The following DOCK8 variants were observed in gnomAD, a reference collection of about 807,000 sequenced individuals.
The protein encoded by DOCK8 is dedicator of cytokinesis protein 8.
DOCK8 carries 141 observed loss-of-function variants against 245.6 expected under a neutral mutation model. The observed-to-expected ratio is 0.57, with a 90% CI of 0.50 to 0.66. The LOEUF is 0.66. Among genes scored for constraint, DOCK8 ranks in the 30% least tolerant of loss-of-function variants. The pLI is 0.00. For missense variants in DOCK8, 2,965 were observed against 2,603.4 expected, an observed-to-expected ratio of 1.14 and a Z score of -3.02; for synonymous variants, 1,168 against 970.2, an observed-to-expected ratio of 1.20 and a Z score of -3.79.
chr9:397,067 G>T, intron 25 of DOCK8, 133 bp downstream of exon 25: 7 of 1,086,248 alleles, frequency 6.4e-6, no homozygotes, highest in Non-Finnish European at 8.1e-6. Context: ...AACGCAGTAT[G>T]TTATACTGGA....
At chr9:293,037 T>G (rs1336469149) in intron 4 of DOCK8, among the ~76,000 whole-genome samples, 2 of 152,216 alleles carry the variant, frequency 1.3e-5, no homozygotes, top group Non-Finnish European at 2.9e-5. Flanking sequence ...AATTTTATGT[T>G]TGGCAACATT....
chr9:298,618 A>AGTGTGTGTGTGTGT (rs34998339), intron 4 of DOCK8, among the ~76,000 whole-genome samples: 16 of 145,306 alleles, frequency 1.1e-4, no homozygotes, highest in African/African-American at 3.6e-4. Context: ...CACATCTGTA[A>AGTGTGTGTGTGTGT]GTGTGTGTGT....
rs1467021314 is a variant in DOCK8 at position 317,225 on chromosome 9, G to C, written c.827+97G>C. The C allele has an allele frequency of 7.8e-6, 8 of 1,024,708 alleles. No individual in the cohort carries two copies. In the South Asian group the frequency reaches 9.5e-5, roughly 12 times the overall value. 63.5% of individuals were successfully genotyped at this position (1,024,708 alleles called of 1,614,324 possible). On this transcript the variant is annotated intron_variant, in intron 7 of 47. Coordinates refer to ENST00000432829, the MANE Select transcript of DOCK8 (RefSeq NM_203447.4). ...TTATCAGAGCTTGAATCAAAGCGGAGCTCCCAAAATACGTCTAACAGTGGG... is the reference window on the plus strand; with the variant it reads ...TTATCAGAGCTTGAATCAAAGCGGACCTCCCAAAATACGTCTAACAGTGGG...
chr9:290,433 CA>C (rs1346462726), intron 4 of DOCK8, among the ~76,000 whole-genome samples: 1 of 152,078 alleles, frequency 6.6e-6, no homozygotes, highest in Non-Finnish European at 1.5e-5. Context: ...GATGAATTCC[CA>C]GGGGGAAAAA....
At chr9:309,287 T>C (rs1470228429) in intron 5 of DOCK8, among the ~76,000 whole-genome samples, 1 of 152,204 alleles carries the variant, frequency 6.6e-6, no homozygotes, top group Non-Finnish European at 1.5e-5. Flanking sequence ...GTATTAATAA[T>C]CGAAGTGTTA....
At chr9:271,051 C>T (rs986269561) in intron 1 of DOCK8, among the ~76,000 whole-genome samples, 2 of 152,174 alleles carry the variant, frequency 1.3e-5, no homozygotes, top group Non-Finnish European at 2.9e-5. Context: ...TGAGCATTGT[C>T]CACATGGGTG....
chr9:345,424 T>C (rs963986311), intron 14 of DOCK8, among the ~76,000 whole-genome samples: 1 of 152,220 alleles, frequency 6.6e-6, no homozygotes, highest in African/African-American at 2.4e-5. Flanking sequence ...TAATGTGCCC[T>C]TAACATAAAC....
At chr9:220,408 G>A (rs1031508663) in intron 1 of DOCK8, among the ~76,000 whole-genome samples, 2 of 152,120 alleles carry the variant, frequency 1.3e-5, no homozygotes, top group African/African-American at 4.8e-5. Flanking sequence ...GAAAGAAAAC[G>A]TAGTAACATG....
chr9:328,086 C>T lies in DOCK8; in HGVS notation c.959C>T (p.Thr320Met), dbSNP rs766320232. ...TTCAAAGGATTTCTGCGAGCTCACA[C>T]GCCTTCAGTGGCCGCATCAAGTCAG... Reference protein sequence around the residue: ...DQFKGFLRAHTPSVAASSQAR... With the variant: ...DQFKGFLRAHMPSVAASSQAR... The change falls in exon 9 of 48, where the codon ACG becomes ATG. Residue 320 changes from threonine to methionine, a missense_variant. By Grantham distance (81) the Thr-to-Met change is moderately conservative. Transcript: ENST00000432829. 4.3e-6 allele frequency: 7 copies of T among 1,614,212 alleles called. No homozygotes were observed. The highest frequency in any genetic ancestry group is 3.3e-5 in the South Asian group (3 of 91,084).
At chr9:214,702 T>C (rs1426824783), upstream of DOCK8, 25 of 1,562,196 alleles carry the variant, frequency 1.6e-5, no homozygotes, top group Non-Finnish European at 2.1e-5. Flanking sequence ...TCTGCCCCAG[T>C]ATCGGGAGGC....
chr9:341,078 CAG>C (rs1293177210), intron 14 of DOCK8, among the ~76,000 whole-genome samples: 4 of 152,206 alleles, frequency 2.6e-5, no homozygotes, highest in Admixed American at 6.5e-5. Flanking sequence ...ACAGCAATAA[CAG>C]AAAGTTCTGT....
At chr9:368,578 C>G (rs982268239) in intron 15 of DOCK8, 11 of 310,260 alleles carry the variant, frequency 3.5e-5, no homozygotes, top group Non-Finnish European at 5.4e-5. Flanking sequence ...CAAAGTACCG[C>G]CTAGTAATTA....
rs1045722830 is a variant in DOCK8, at chr9:464,455, C to T, written c.*236C>T. 3.0e-5 allele frequency: 18 copies of T among 591,306 alleles called. No individual in the cohort carries two copies. The highest frequency in any genetic ancestry group is 7.5e-5 in the African/African-American group (4 of 53,606). The allele number at this position is 591,306 out of a possible 1,614,324, so 36.6% of individuals were successfully genotyped here. On this transcript the variant is annotated 3_prime_UTR_variant, in exon 48 of 48. Coordinates refer to ENST00000432829, the MANE Select transcript of DOCK8 (RefSeq NM_203447.4). Reference sequence around the variant, plus strand: ...GAGGATGGGTACTCAGGCATGACTGCGTATTTATTAAAGTGTGTTTTTCCA... The same window carrying T: ...GAGGATGGGTACTCAGGCATGACTGTGTATTTATTAAAGTGTGTTTTTCCA...
At chr9:241,166 T>C (rs1053126474) in intron 1 of DOCK8, among the ~76,000 whole-genome samples, 1 of 152,206 alleles carries the variant, frequency 6.6e-6, no homozygotes, top group Non-Finnish European at 1.5e-5. Context: ...CATATAATTA[T>C]AGTGATCAGA....
intron 37 of DOCK8, among the ~76,000 whole-genome samples, 179 bp from the exon 38 acceptor site, chr9:433,696 C>G (rs2056796502): frequency 6.6e-6 from 1 of 152,218 alleles, no homozygotes. Flanking sequence ...GTCTCATAAA[C>G]TCCTGGGCTG....
Position 425,331 on chromosome 9 carries a change from G to C in DOCK8, c.4242-1554G>C, listed in dbSNP as rs1170538224. The stretch of plus-strand genomic sequence containing the variant: ...GTGGATCACGAGGTCAGGAGATCGA[G>C]ACCATCCTGGCTAACGCGGCGAAAC... On this transcript the variant is annotated intron_variant, in intron 33 of 47. Coordinates refer to ENST00000432829, the MANE Select transcript of DOCK8 (RefSeq NM_203447.4). Among the ~76,000 whole-genome samples the C allele has an allele frequency of 2.0e-5, 3 of 152,082 alleles. No homozygotes were observed. The East Asian group carries it at 5.8e-4, about 29-fold the overall frequency.
intron 6 of DOCK8, chr9:312,760 G>T: frequency 3.1e-6 from 1 of 320,116 alleles, no homozygotes; most frequent in South Asian, 2.7e-5. Flanking sequence ...ACTGCCTGAG[G>T]CACTTTGGAT....
chr9:396,783 A>G lies in DOCK8; in HGVS notation c.2971-2A>G. On this transcript the variant is annotated splice_acceptor_variant, in intron 24 of 47. Transcript: ENST00000432829. LOFTEE classifies it high-confidence loss of function. ...TGACATTTCCTCCATCCCCCTCCGC[A>G]GGTGAAAAGCATGGCCCAGCACGTA... 1 of 1,614,122 alleles carries G rather than the reference A, an allele frequency of 6.2e-7. No individual in the cohort carries two copies. The highest frequency in any genetic ancestry group is 8.5e-7 in the Non-Finnish European group (1 of 1,180,018).
At chr9:251,656 G>A (rs2047648894) in intron 1 of DOCK8, among the ~76,000 whole-genome samples, 1 of 152,082 alleles carries the variant, frequency 6.6e-6, no homozygotes, top group Non-Finnish European at 1.5e-5. Flanking sequence ...GTAAAGCCTT[G>A]TACAAGTCTC....
Sources: gnomAD v4.1 joint callset for allele counts (sites outside exome capture counted in the v4.1 genomes callset) on GRCh38, gnomAD v4.1.1 for gene constraint, MANE v1.5 for transcripts, NCBI Gene and HGNC (gene_info 2026-07-23, HGNC 2026-07-21) for gene names.